Variants in DIP2C observed in about 807,000 individuals in gnomAD.
The protein encoded by DIP2C is disco-interacting protein 2 homolog C.
DIP2C carries 33 observed loss-of-function variants against 192.4 expected under a neutral mutation model. The ratio of observed to expected loss-of-function variants is 0.17; its 90% CI spans 0.13 to 0.23. The LOEUF (loss-of-function observed/expected upper bound fraction) is 0.23. DIP2C is among the 10% of genes least tolerant of loss of function. The pLI is 1.00. For synonymous variants in DIP2C, 979 were observed against 864.1 expected (o/e 1.13, Z -2.33); for missense variants, 1,537 against 2,110.1 (o/e 0.73, Z 5.32).
chr10:361,673 C>T lies in DIP2C; in HGVS notation c.2794+817G>A, dbSNP rs77163278. Reference sequence around the variant, plus strand: ...TTTACAATGAGGATACCCTGGAGAGCGCTGACACCATTATAAATCTTCATA... The same window carrying T: ...TTTACAATGAGGATACCCTGGAGAGTGCTGACACCATTATAAATCTTCATA... On this transcript the variant is annotated intron_variant, in intron 22 of 36. Transcript: ENST00000280886. Among the ~76,000 whole-genome samples the T allele has an allele frequency of 2.2e-4, 33 of 152,216 alleles. No homozygotes were observed. The East Asian group carries it at 5.6e-3, about 26-fold the overall frequency.
intron 5 of DIP2C, among the ~76,000 whole-genome samples, chr10:422,228 C>CA (rs1966240829): frequency 1.3e-5 from 2 of 152,186 alleles, no homozygotes; most frequent in East Asian, 3.8e-4. Flanking sequence ...CTGAACCGTT[C>CA]AAAGGCAGAG....
At chr10:393,162 TAA>T (rs959511676) in intron 10 of DIP2C, among the ~76,000 whole-genome samples, 2 of 152,152 alleles carry the variant, frequency 1.3e-5, no homozygotes, top group Non-Finnish European at 2.9e-5. Context: ...GGAAAGTGAA[TAA>T]AAAGAATCCT....
intron 1 of DIP2C, among the ~76,000 whole-genome samples, chr10:531,380 C>CA (rs1847362575): frequency 6.6e-6 from 1 of 152,150 alleles, no homozygotes; most frequent in Non-Finnish European, 1.5e-5. Flanking sequence ...CGTGTGCTTA[C>CA]AGTTCCCCCG....
Position 281,317 on chromosome 10 carries a change from T to C in DIP2C, c.4301A>G (p.His1434Arg). Residue 1434 changes from histidine (H) to arginine (R), a missense_variant, in exon 36 of 37, where the codon CAT (histidine) becomes CGT (arginine). This residue lies in a region of DIP2C where 341 missense variants were observed against 551.7 expected (regional missense o/e 0.62). Coordinates refer to ENST00000280886, the MANE Select transcript of DIP2C (RefSeq NM_014974.3). The stretch of plus-strand genomic sequence containing the variant: ...TGCCCCTACCACGTAGAGGGCATCA[T>C]GGCGCTCTGTGGAGTAATGACAGCC... The part of the protein sequence containing the change: ...TELTDANGER[H>R]DALYVVGALD... 6.2e-7 allele frequency: 1 copy of C among 1,606,960 alleles called. No individual in the cohort carries two copies. The highest frequency in any genetic ancestry group is 8.5e-7 in the Non-Finnish European group (1 of 1,175,024).
intron 1 of DIP2C, among the ~76,000 whole-genome samples, chr10:618,125 A>G (rs1441433663): frequency 1.3e-5 from 2 of 152,224 alleles, no homozygotes; most frequent in African/African-American, 4.8e-5. Flanking sequence ...CCTCAAGTGA[A>G]ACAAGTATCT....
At chr10:580,381 T>C (rs2445596) in intron 1 of DIP2C, among the ~76,000 whole-genome samples, 89,306 of 152,148 alleles carry the variant, frequency 0.59, 27,676 homozygotes, top group African/African-American at 0.8. Context: ...TGTATATATA[T>C]AAGTACACAA....
At chr10:441,101 C>G in intron 3 of DIP2C, 105 bp from the exon 4 acceptor site, 2 of 1,332,446 alleles carry the variant, frequency 1.5e-6, no homozygotes, top group Non-Finnish European at 9.8e-7. Flanking sequence ...CCTTCTGAAA[C>G]TCACCAACAG....
At chr10:360,113 C>T (rs1181257969) in intron 22 of DIP2C, among the ~76,000 whole-genome samples, 3 of 152,154 alleles carry the variant, frequency 2.0e-5, no homozygotes, top group South Asian at 2.1e-4. Context: ...ATTTTGTGCC[C>T]GTTTGCTACA....
At chr10:341,038 CA>C (rs1386327964) in intron 29 of DIP2C, 160 bp downstream of exon 29, 1 of 1,031,830 alleles carries the variant, frequency 9.7e-7, no homozygotes, top group African/African-American at 1.6e-5. Context: ...CCCCGAGAGC[CA>C]AGTCCACCAG....
At chr10:397,782 T>C (rs1166960282) in intron 10 of DIP2C, among the ~76,000 whole-genome samples, 1 of 152,198 alleles carries the variant, frequency 6.6e-6, no homozygotes, top group Non-Finnish European at 1.5e-5. Context: ...GGTATGAGCG[T>C]AAGCCAAAAA....
chr10:354,761 GC>G (rs1407922742), intron 24 of DIP2C, among the ~76,000 whole-genome samples: 1 of 152,068 alleles, frequency 6.6e-6, no homozygotes, highest in Admixed American at 6.6e-5. Context: ...GATCTGGGGT[GC>G]CGAAGGAGGC....
Position 641,445 on chromosome 10 carries a change from G to C in DIP2C, c.85+48049C>G, listed in dbSNP as rs117030093. Among the ~76,000 whole-genome samples the C allele has an allele frequency of 1.1e-3, 161 of 152,278 alleles. 2 individuals carry two copies. The East Asian group carries it at 0.026, about 25-fold the overall frequency. On this transcript the variant is annotated intron_variant, in intron 1 of 36. Coordinates refer to ENST00000280886, the MANE Select transcript of DIP2C (RefSeq NM_014974.3). ...CTGCACTGCTGGGTTCCATGCCTTA[G>C]ATCCCAGGCACCTTAAAGCTGATGT...
intron 24 of DIP2C, among the ~76,000 whole-genome samples, chr10:351,182 C>T (rs563406927): frequency 1.3e-5 from 2 of 152,142 alleles, no homozygotes; most frequent in East Asian, 1.9e-4. Flanking sequence ...ACCAAAAGGA[C>T]GCCGCACGGA....
At chr10:657,225 G>T (rs1159493889) in intron 1 of DIP2C, among the ~76,000 whole-genome samples, 1 of 119,180 alleles carries the variant, frequency 8.4e-6, no homozygotes, top group African/African-American at 3.1e-5. Context: ...CCCTGGACCT[G>T]CCCCTGGACC....
intron 5 of DIP2C, among the ~76,000 whole-genome samples, chr10:420,179 C>T (rs1190966957): frequency 6.6e-6 from 1 of 152,244 alleles, no homozygotes; most frequent in Non-Finnish European, 1.5e-5. Flanking sequence ...CATGTCCGCA[C>T]CGTGCCCGGA....
chr10:418,772 C>T lies in DIP2C; in HGVS notation c.739+293G>A, dbSNP rs574439961. ...AAGAATTTCTCAGTTGCTGAACCAC[C>T]GTTATTCAGCAGCAAAAACGGCAGC... On this transcript the variant is annotated intron_variant, in intron 6 of 36. Transcript: ENST00000280886. Among the ~76,000 whole-genome samples, 27 of 152,370 alleles carry T rather than the reference C, an allele frequency of 1.8e-4. 1 individual carries two copies. In the South Asian group the frequency reaches 5.4e-3, roughly 30 times the overall value.
intron 3 of DIP2C, among the ~76,000 whole-genome samples, chr10:464,823 C>T (rs1040990051): frequency 1.3e-5 from 2 of 151,994 alleles, no homozygotes; most frequent in Non-Finnish European, 2.9e-5. Flanking sequence ...TACTCTCTCC[C>T]AAGACTAAAC....
chr10:611,306 A>G (rs1364139032), intron 1 of DIP2C, among the ~76,000 whole-genome samples: 4 of 152,182 alleles, frequency 2.6e-5, no homozygotes, highest in Non-Finnish European at 4.4e-5. Context: ...ACAGAACAGT[A>G]TGCCGATTAA....
intron 1 of DIP2C, among the ~76,000 whole-genome samples, chr10:547,176 G>A (rs530875803): frequency 2.0e-5 from 3 of 152,320 alleles, no homozygotes; most frequent in African/African-American, 7.2e-5. Context: ...GCTGCAGCGG[G>A]ACTGAAGTTT....
Sources: allele counts gnomAD v4.1 joint callset (sites outside exome capture counted in the v4.1 genomes callset), GRCh38; gene constraint gnomAD v4.1.1; regional missense constraint gnomAD v4.1.1; transcripts MANE v1.5; gene names NCBI Gene and HGNC (gene_info 2026-07-23, HGNC 2026-07-21).